DENND5A: variants seen among roughly 807,000 people sequenced by gnomAD.
DENND5A encodes the protein DENN domain-containing protein 5A.
DENND5A carries 64 observed loss-of-function variants against 140.3 expected under a neutral mutation model. The observed-to-expected ratio is 0.46, with a 90% CI of 0.37 to 0.56. The LOEUF (loss-of-function observed/expected upper bound fraction) is 0.56, where lower values mean the gene tolerates loss of function less well. DENND5A is among the 20% of genes least tolerant of loss of function. The pLI is 0.00. For synonymous variants in DENND5A, 605 were observed against 607.7 expected (o/e 1.00, Z 0.07); for missense variants, 1,292 against 1,593.8 (o/e 0.81, Z 3.22).
intron 12 of DENND5A, among the ~76,000 whole-genome samples, chr11:9,157,268 C>T (rs1847837910): frequency 6.6e-6 from 1 of 152,230 alleles, no homozygotes; most frequent in Admixed American, 6.5e-5. Flanking sequence ...GGATACTTAT[C>T]ACACGCCAGG....
chr11:9,198,732 G>A (rs1849419968), intron 4 of DENND5A, among the ~76,000 whole-genome samples: 1 of 152,024 alleles, frequency 6.6e-6, no homozygotes, highest in South Asian at 2.1e-4. Context: ...GAAATGCCTG[G>A]ACCCTTCGTC....
At chr11:9,144,849 A>G (rs1847370975) in intron 18 of DENND5A, 146 bp downstream of exon 18, 2 of 657,866 alleles carry the variant, frequency 3.0e-6, no homozygotes, top group South Asian at 4.0e-5. Context: ...ACTTACTTTC[A>G]AGTGTATGAG....
intron 1 of DENND5A, among the ~76,000 whole-genome samples, chr11:9,212,331 TAGAA>T (rs1297621543): frequency 6.6e-6 from 1 of 151,828 alleles, no homozygotes; most frequent in African/African-American, 2.4e-5. Flanking sequence ...AGAAGGAAAA[TAGAA>T]AGAATGAGGC....
chr11:9,218,928 C>T (rs1850204483), intron 1 of DENND5A, among the ~76,000 whole-genome samples: 1 of 152,054 alleles, frequency 6.6e-6, no homozygotes, highest in Admixed American at 6.6e-5. Context: ...ATCGCTTGAA[C>T]CCGGGAGGTG....
intron 12 of DENND5A, among the ~76,000 whole-genome samples, chr11:9,159,058 T>C (rs1847896511): frequency 6.6e-6 from 1 of 152,214 alleles, no homozygotes; most frequent in Non-Finnish European, 1.5e-5. Flanking sequence ...TTTCTGTCTG[T>C]GGATTTGCCT....
Position 9,142,010 on chromosome 11 carries a change from C to T in DENND5A, c.3610G>A (p.Ala1204Thr). Residue 1204 changes from alanine (A) to threonine (T), a missense_variant, in exon 22 of 23, where the codon GCA becomes ACA. Ala to Thr is a moderately conservative substitution (Grantham distance 58, BLOSUM62 0). Around this residue, in one of 4 missense-constraint regions of DENND5A, gnomAD observed 498 missense variants for 689.7 expected, o/e 0.72. Coordinates refer to ENST00000328194, the MANE Select transcript of DENND5A (RefSeq NM_015213.4). ...ATGTTCCGGGGAGTATTGTTGATTG[C>T]AGTGACAAATCGGCAGAAGTTCCGG... is the stretch of plus-strand genomic sequence containing the variant. ...RARNFCRFVT[A>T]INNTPRNIGK... 6.2e-7 allele frequency: 1 copy of T among 1,606,794 alleles called. No individual in the cohort carries two copies. Among genetic ancestry groups the T allele is most frequent in the Non-Finnish European group, 8.5e-7 (1 of 1,176,902 alleles).
chr11:9,237,711 C>T (rs1482236497), intron 1 of DENND5A, among the ~76,000 whole-genome samples: 4 of 152,058 alleles, frequency 2.6e-5, no homozygotes, highest in Non-Finnish European at 4.4e-5. Flanking sequence ...CTTGAAACCC[C>T]GTCTCTACTC....
chr11:9,150,561 G>A (rs940388140), intron 14 of DENND5A, 119 bp downstream of exon 14: 19 of 683,152 alleles, frequency 2.8e-5, no homozygotes, highest in Admixed American at 1.1e-4. Context: ...GATTAGGAGG[G>A]CTTCCATGTT....
At chr11:9,174,593 G>A (rs1353308093) in intron 8 of DENND5A, among the ~76,000 whole-genome samples, 2 of 148,868 alleles carry the variant, frequency 1.3e-5, no homozygotes, top group Non-Finnish European at 3.0e-5. Context: ...CTAGCTACTT[G>A]AGAAGCTAAG....
chr11:9,169,966 C>G lies in DENND5A; in HGVS notation c.2058-17G>C. 6.4e-7 allele frequency: 1 copy of G among 1,558,360 alleles called. No homozygotes were observed. Among genetic ancestry groups the G allele is most frequent in the Non-Finnish European group, 8.8e-7 (1 of 1,130,950 alleles). On this transcript the variant is annotated splice_polypyrimidine_tract_variant and intron_variant, in intron 9 of 22. Transcript: ENST00000328194. ...TTCGTCCACCTAACACAATCAGAAC[C>G]AAAGCAGGCAATTAATAATGTCTCA...
chr11:9,255,213 T>C (rs1015540225), intron 1 of DENND5A, among the ~76,000 whole-genome samples: 2 of 152,166 alleles, frequency 1.3e-5, no homozygotes, highest in East Asian at 1.9e-4. Flanking sequence ...AGGATATGAA[T>C]AAAGTGGAAT....
At chr11:9,164,469 T>C (rs1444587916) in intron 11 of DENND5A, among the ~76,000 whole-genome samples, 1 of 152,100 alleles carries the variant, frequency 6.6e-6, no homozygotes, top group East Asian at 1.9e-4. Context: ...CAGGAGACTA[T>C]TTTTATTCCA....
intron 10 of DENND5A, among the ~76,000 whole-genome samples, chr11:9,169,495 G>GCA (rs59297086): frequency 0.38 from 55,442 of 145,534 alleles, 11,275 homozygotes; most frequent in Admixed American, 0.47. Flanking sequence ...ATATACACAC[G>GCA]CACACACACA....
intron 11 of DENND5A, 35 bp from the exon 12 acceptor site, chr11:9,160,900 C>A (rs1189793852): frequency 6.2e-7 from 1 of 1,607,956 alleles, no homozygotes; most frequent in Non-Finnish European, 8.5e-7. Flanking sequence ...TAAATAACCA[C>A]AGTGAGCAGG....
intron 5 of DENND5A, among the ~76,000 whole-genome samples, chr11:9,187,222 A>G (rs1370183544): frequency 1.3e-5 from 2 of 152,216 alleles, no homozygotes; most frequent in African/African-American, 4.8e-5. Context: ...GAGGGGCTCT[A>G]GCACACAGAA....
chr11:9,149,866 T>C (rs1228981247), intron 15 of DENND5A, among the ~76,000 whole-genome samples: 1 of 152,200 alleles, frequency 6.6e-6, no homozygotes, highest in Non-Finnish European at 1.5e-5. Context: ...GTTTTGGGCA[T>C]GCAGGTTGAG....
intron 12 of DENND5A, among the ~76,000 whole-genome samples, chr11:9,160,073 C>T (rs1847928075): frequency 6.6e-6 from 1 of 152,058 alleles, no homozygotes; most frequent in Non-Finnish European, 1.5e-5. Flanking sequence ...TTGAGAAATA[C>T]CAATGGATAC....
chr11:9,244,284 T>C (rs1399513588), intron 1 of DENND5A, among the ~76,000 whole-genome samples: 1 of 152,232 alleles, frequency 6.6e-6, no homozygotes, highest in Non-Finnish European at 1.5e-5. Context: ...TATGAAGAGG[T>C]GAGGCCTTTA....
chr11:9,179,476 C>T, intron 6 of DENND5A, among the ~76,000 whole-genome samples: 1 of 150,648 alleles, frequency 6.6e-6, no homozygotes. Flanking sequence ...CCTCATATCA[C>T]TTTCCTTCTT....
Sources: allele counts gnomAD v4.1 joint callset (sites outside exome capture counted in the v4.1 genomes callset), GRCh38; gene constraint gnomAD v4.1.1; regional missense constraint gnomAD v4.1.1; transcripts MANE v1.5; gene names NCBI Gene and HGNC (gene_info 2026-07-23, HGNC 2026-07-21).